RABGAP1L: variants seen among roughly 807,000 people sequenced by gnomAD.
RABGAP1L encodes rab GTPase-activating protein 1-like.
In RABGAP1L, 63 loss-of-function variants were observed where a neutral mutation model predicts 137.7. The ratio of observed to expected loss-of-function variants is 0.46; its 90% CI spans 0.37 to 0.56. The LOEUF is 0.56. Among genes scored for constraint, RABGAP1L ranks in the 20% least tolerant of loss-of-function variants. RABGAP1L has a pLI of 0.00. For missense variants in RABGAP1L, 1,095 were observed against 1,244.0 expected (o/e 0.88, Z 1.80); for synonymous variants, 431 against 433.7 (o/e 0.99, Z 0.08).
At chr1:174,257,005 T>C (rs191629450) in intron 7 of RABGAP1L, among the ~76,000 whole-genome samples, 3 of 152,282 alleles carry the variant, frequency 2.0e-5, no homozygotes, top group Non-Finnish European at 2.9e-5. Context: ...TCCATTTAAC[T>C]ACTTGTTATT....
chr1:174,228,137 A>C (rs1345461832), intron 3 of RABGAP1L, among the ~76,000 whole-genome samples: 4 of 151,904 alleles, frequency 2.6e-5, no homozygotes, highest in Non-Finnish European at 5.9e-5. Flanking sequence ...TTTATCTTTA[A>C]ATCCTTGATC....
chr1:174,701,395 C>A (rs1184024361), intron 16 of RABGAP1L, among the ~76,000 whole-genome samples: 5 of 151,964 alleles, frequency 3.3e-5, no homozygotes, highest in African/African-American at 4.8e-5. Flanking sequence ...ATCATAGACC[C>A]CAGATTAGAT....
intron 17 of RABGAP1L, among the ~76,000 whole-genome samples, chr1:174,716,589 T>C (rs1393343073): frequency 6.6e-6 from 1 of 152,222 alleles, no homozygotes; most frequent in Non-Finnish European, 1.5e-5. Flanking sequence ...AATAGGACCT[T>C]CTGGTCTCCT....
intron 19 of RABGAP1L, among the ~76,000 whole-genome samples, chr1:174,815,026 C>T (rs1054814663): frequency 2.0e-5 from 3 of 152,038 alleles, no homozygotes; most frequent in Admixed American, 1.3e-4. Flanking sequence ...AACTTCTCCC[C>T]GGATCCCAAG....
intron 19 of RABGAP1L, among the ~76,000 whole-genome samples, chr1:174,866,171 C>T (rs953432739): frequency 7.7e-6 from 1 of 129,414 alleles, no homozygotes; most frequent in Non-Finnish European, 1.6e-5. Context: ...GAGATGCCAG[C>T]CTGCCAATAT....
chr1:174,305,204 T>A, intron 11 of RABGAP1L, 77 bp downstream of exon 11: 1 of 1,385,536 alleles, frequency 7.2e-7, no homozygotes, highest in South Asian at 1.8e-5. Context: ...GGTGTGTGTG[T>A]TGTGGGTAGA....
chr1:174,434,108 TACACACACACACACACACAC>T (rs35509787), intron 13 of RABGAP1L, among the ~76,000 whole-genome samples: 22 of 134,138 alleles, frequency 1.6e-4, no homozygotes, highest in African/African-American at 5.6e-4. Context: ...CGTGTACACA[TACACACACACACACACACAC>T]ACACACACAC....
chr1:174,454,932 G>A (rs1027307758), intron 13 of RABGAP1L, among the ~76,000 whole-genome samples: 5 of 152,094 alleles, frequency 3.3e-5, no homozygotes, highest in African/African-American at 9.7e-5. Flanking sequence ...ATGGCTCTGC[G>A]TTAGGAAATA....
chr1:174,641,253 T>C (rs1019052204), intron 14 of RABGAP1L, among the ~76,000 whole-genome samples: 2 of 152,148 alleles, frequency 1.3e-5, no homozygotes, highest in African/African-American at 2.4e-5. Context: ...GAGAAATGAT[T>C]TGAACTGTCA....
At chr1:174,334,408 G>T (rs546348008) in intron 11 of RABGAP1L, among the ~76,000 whole-genome samples, 1 of 152,188 alleles carries the variant, frequency 6.6e-6, no homozygotes, top group Non-Finnish European at 1.5e-5. Context: ...CTTTTGAAAT[G>T]TGTCAGATGA....
chr1:174,869,095 C>A (rs1026108101), intron 19 of RABGAP1L, among the ~76,000 whole-genome samples: 6 of 152,106 alleles, frequency 3.9e-5, no homozygotes, highest in African/African-American at 1.4e-4. Flanking sequence ...TAGTTTTCAT[C>A]AAATAGTTTT....
chr1:174,388,503 GAGAGAA>G (rs2149069268), intron 12 of RABGAP1L, among the ~76,000 whole-genome samples: 1 of 151,840 alleles, frequency 6.6e-6, no homozygotes, highest in East Asian at 1.9e-4. Context: ...GAGAGAGAGA[GAGAGAA>G]AACATTTGGG....
intron 19 of RABGAP1L, among the ~76,000 whole-genome samples, chr1:174,891,383 G>C (rs1430252838): frequency 6.6e-6 from 1 of 152,166 alleles, no homozygotes; most frequent in East Asian, 1.9e-4. Flanking sequence ...AAGGTTTTGA[G>C]TAGGGAAATG....
At chr1:174,293,360 C>T (rs553384446) in intron 10 of RABGAP1L, among the ~76,000 whole-genome samples, 5 of 152,176 alleles carry the variant, frequency 3.3e-5, no homozygotes, top group African/African-American at 1.2e-4. Context: ...GATCCTGATC[C>T]ATGAAGAGCA....
intron 10 of RABGAP1L, among the ~76,000 whole-genome samples, chr1:174,301,625 C>T (rs1044737620): frequency 5.9e-5 from 9 of 152,110 alleles, no homozygotes; most frequent in South Asian, 2.1e-4. Context: ...TTTAATTGAG[C>T]AATGAAACAG....
rs535121869 is a variant in RABGAP1L at position 174,249,661 on chromosome 1, T to C, written c.718-814T>C. Among the ~76,000 whole-genome samples, 4 of 151,880 alleles carry C rather than the reference T, an allele frequency of 2.6e-5. No homozygotes were observed. In the South Asian group the frequency reaches 6.3e-4, roughly 24 times the overall value. Reference sequence around the variant, plus strand: ...TTCTTTCTTTCTTTCTTTTTTTTTTTTGGAGACAGAGTCTTGCTCTGTCAC... The same window carrying C: ...TTCTTTCTTTCTTTCTTTTTTTTTTCTGGAGACAGAGTCTTGCTCTGTCAC... On this transcript the variant is annotated intron_variant, in intron 5 of 25. Coordinates refer to ENST00000681986, the MANE Select transcript of RABGAP1L (RefSeq NM_001366446.1).
intron 1 of RABGAP1L, among the ~76,000 whole-genome samples, chr1:174,174,991 A>G (rs928395678): frequency 6.6e-6 from 1 of 152,212 alleles, no homozygotes; most frequent in African/African-American, 2.4e-5. Flanking sequence ...TATCACAGTA[A>G]ATTTATGAAG....
intron 14 of RABGAP1L, among the ~76,000 whole-genome samples, chr1:174,651,642 A>T (rs917435285): frequency 6.6e-6 from 1 of 152,080 alleles, no homozygotes; most frequent in African/African-American, 2.4e-5. Context: ...GTTTTATCAG[A>T]GACTAGGATT....
intron 11 of RABGAP1L, among the ~76,000 whole-genome samples, chr1:174,309,902 T>C (rs1678658741): frequency 6.6e-6 from 1 of 152,158 alleles, no homozygotes; most frequent in Admixed American, 6.5e-5. Context: ...CTCTGTTCTC[T>C]TGAAATTTTT....
Sources: allele counts gnomAD v4.1 joint callset (sites outside exome capture counted in the v4.1 genomes callset), GRCh38; gene constraint gnomAD v4.1.1; transcripts MANE v1.5; gene names NCBI Gene and HGNC (gene_info 2026-07-23, HGNC 2026-07-21).